The following ETF1 variants were observed in gnomAD, a reference collection of about 807,000 sequenced individuals.
The protein encoded by ETF1 is eukaryotic translation termination factor 1.
Under a neutral mutation model 55.1 loss-of-function variants are expected in ETF1, and 4 were observed. The observed-to-expected ratio is 0.07, with a 90% CI of 0.04 to 0.17. The LOEUF is 0.17. Among genes scored for constraint, ETF1 ranks in the 10% least tolerant of loss-of-function variants. ETF1 has a pLI of 1.00. For synonymous variants in ETF1, 157 were observed against 182.3 expected (o/e 0.86, Z 1.12); for missense variants, 142 against 523.6 (o/e 0.27, Z 7.11).
At chr5:138,541,629 C>T (rs945795164) in intron 2 of ETF1, 3 of 1,522,978 alleles carry the variant, frequency 2.0e-6, no homozygotes, top group Admixed American at 4.2e-5. Flanking sequence ...CCATAAATGA[C>T]AATCCTGGGC....
At chr5:138,511,703 A>G in intron 6 of ETF1, 99 bp from the exon 7 acceptor site, 1 of 1,438,340 alleles carries the variant, frequency 7.0e-7, no homozygotes, top group Non-Finnish European at 9.1e-7. Flanking sequence ...ATGGTATGCA[A>G]AGCTCAGCAT....
chr5:138,536,842 C>G (rs1765956515), intron 2 of ETF1, among the ~76,000 whole-genome samples: 1 of 152,112 alleles, frequency 6.6e-6, no homozygotes, highest in South Asian at 2.1e-4. Context: ...ATCTCAAGTT[C>G]AAAGAAAACG....
Position 138,508,319 on chromosome 5 carries a change from G to A in ETF1, c.1300C>T (p.Leu434Phe), listed in dbSNP as rs753167770. The A allele has an allele frequency of 1.9e-6, 3 of 1,613,852 alleles. No individual in the cohort carries two copies. Among genetic ancestry groups the A allele is most frequent in the Non-Finnish European group, 2.5e-6 (3 of 1,179,978 alleles). The change falls in exon 11 of 11, where the codon CTT becomes TTT. Residue 434 changes from leucine (L) to phenylalanine (F), a missense_variant. By Grantham distance (22) the Leu-to-Phe change is conservative. Around this residue, in one of 5 missense-constraint regions of ETF1, gnomAD observed 82 missense variants for 232.9 expected, o/e 0.35. Transcript: ENST00000360541. ...YQGGDDEFFD[L>F]DDY ...ATGTCGACTACCTAGTAGTCATCAA[G>A]GTCAAAAAATTCATCGTCTCCTCCT...
At position 138,541,377 on chromosome 5, in the gene ETF1, G is replaced by C. The variant is rs904736722; in HGVS notation, c.86+1456C>G. The C allele has an allele frequency of 4.6e-5, 28 of 607,882 alleles. No homozygotes were observed. The East Asian group carries it at 7.8e-4, about 17-fold the overall frequency. The allele number at this position is 607,882 out of a possible 1,614,324, so 37.7% of individuals were successfully genotyped here. ...TAAGGACTAACAAGCCGCTGTCTTC[G>C]ATTCATATTAAACTAACGTTTCTCC... On this transcript the variant is annotated intron_variant, in intron 2 of 10. Coordinates refer to ENST00000360541, the MANE Select transcript of ETF1 (RefSeq NM_004730.4).
At chr5:138,527,393 C>T (rs547503452) in intron 2 of ETF1, among the ~76,000 whole-genome samples, 1 of 152,316 alleles carries the variant, frequency 6.6e-6, no homozygotes, top group Non-Finnish European at 1.5e-5. Context: ...AGCATTCTGG[C>T]CAAACCACGG....
chr5:138,517,928 G>A (rs1198076976), intron 3 of ETF1: 1 of 981,440 alleles, frequency 1.0e-6, no homozygotes, highest in African/African-American at 1.8e-5. Context: ...GCTGGACGTG[G>A]TGGTGGCTCA....
At chr5:138,525,298 C>T (rs1379995462) in intron 2 of ETF1, among the ~76,000 whole-genome samples, 1 of 151,948 alleles carries the variant, frequency 6.6e-6, no homozygotes, top group Non-Finnish European at 1.5e-5. Flanking sequence ...GCTGGGAGTA[C>T]AGGCGTGCGC....
rs536966821 is a variant in ETF1 at position 138,518,909 on chromosome 5, G to T, written c.87-42C>A. On this transcript the variant is annotated intron_variant, in intron 2 of 10. Coordinates refer to ENST00000360541, the MANE Select transcript of ETF1 (RefSeq NM_004730.4). ...AACTCATTAGGGATTTAAATATCATGTAAGTAAACTCATGTTTCTCTCTGG... is the reference window on the plus strand; with the variant it reads ...AACTCATTAGGGATTTAAATATCATTTAAGTAAACTCATGTTTCTCTCTGG... 306 of 1,601,062 alleles carry T rather than the reference G, an allele frequency of 1.9e-4. 3 individuals carry two copies. In the Admixed American group the frequency reaches 5.1e-3, roughly 26 times the overall value.
rs1204518828 is a variant in ETF1, at chr5:138,510,836, GGTCCTC to G, written c.1018+203_1018+208del. 4 of 731,686 alleles carry G rather than the reference GGTCCTC, an allele frequency of 5.5e-6. 1 individual carries two copies. Among genetic ancestry groups the G allele is most frequent in the Admixed American group, 6.3e-5 (1 of 15,922 alleles). The allele number at this position is 731,686 out of a possible 1,614,324, so 45.3% of individuals were successfully genotyped here. On this transcript the variant is annotated intron_variant, in intron 8 of 10. Transcript: ENST00000360541. ...TCAGAGATGTTCAAGATATAGTCCT[GGTCCTC>G]AGCAGATGTAACAATCTTAAGCAGA...
chr5:138,536,508 G>C (rs1468095589), intron 2 of ETF1, among the ~76,000 whole-genome samples: 1 of 152,078 alleles, frequency 6.6e-6, no homozygotes, highest in Non-Finnish European at 1.5e-5. Flanking sequence ...ACCTGCCGGG[G>C]AAAAAAAGCC....
intron 4 of ETF1, 150 bp from the exon 5 acceptor site, chr5:138,513,856 CAG>C: frequency 9.3e-7 from 1 of 1,076,682 alleles, no homozygotes; most frequent in South Asian, 3.4e-5. Flanking sequence ...TTATAGACTT[CAG>C]TTATAAACAT....
At chr5:138,508,633 C>T (rs1249781608) in intron 10 of ETF1, 36 bp downstream of exon 10, 1 of 1,610,654 alleles carries the variant, frequency 6.2e-7, no homozygotes, top group South Asian at 1.1e-5. Flanking sequence ...ACCTGAGACC[C>T]TGGTTTTAAG....
chr5:138,531,681 T>C (rs1031104479), intron 2 of ETF1, among the ~76,000 whole-genome samples: 1 of 152,212 alleles, frequency 6.6e-6, no homozygotes, highest in Non-Finnish European at 1.5e-5. Context: ...GCCTAGGCTA[T>C]GGATGGCCAA....
At chr5:138,529,641 C>G (rs1765614034) in intron 2 of ETF1, 1 of 985,270 alleles carries the variant, frequency 1.0e-6, no homozygotes, top group South Asian at 4.7e-5. Context: ...TTTGGCTTAT[C>G]AAAGCTTTCA....
chr5:138,517,715 A>G lies in ETF1; in HGVS notation c.263-15T>C, dbSNP rs978570452. ...ATTTGGAGGTACTGCAAAGAACACA[A>G]ACAATTTTTCTACTTTACCCCATAT... is the stretch of plus-strand genomic sequence containing the variant. On this transcript the variant is annotated splice_polypyrimidine_tract_variant and intron_variant, in intron 3 of 10. Transcript: ENST00000360541. 41 of 1,439,290 alleles carry G rather than the reference A, an allele frequency of 2.8e-5. No homozygotes were observed. The highest frequency in any genetic ancestry group is 3.2e-5 in the Non-Finnish European group (35 of 1,077,610). The allele number at this position is 1,439,290 out of a possible 1,614,324, so 89.2% of individuals were successfully genotyped here. A position where few individuals can be genotyped will look rare whatever the true frequency, so the allele number is the denominator to read the frequency against.
At chr5:138,509,151 C>T in intron 9 of ETF1, 1 of 985,370 alleles carries the variant, frequency 1.0e-6, no homozygotes, top group Non-Finnish European at 1.2e-6. Context: ...TTCAATGGCT[C>T]AGAAGAGACA....
chr5:138,525,138 G>T (rs918671204), intron 2 of ETF1, among the ~76,000 whole-genome samples: 1 of 151,232 alleles, frequency 6.6e-6, no homozygotes. Flanking sequence ...ATCATGTTAA[G>T]AAAAACCAGC....
intron 2 of ETF1, among the ~76,000 whole-genome samples, chr5:138,535,149 C>A (rs1055574754): frequency 6.6e-6 from 1 of 151,848 alleles, no homozygotes; most frequent in Admixed American, 6.6e-5. Flanking sequence ...CAGGTTTTCA[C>A]CATGTTGGCC....
intron 4 of ETF1, among the ~76,000 whole-genome samples, chr5:138,515,038 AT>A (rs1385773498): frequency 6.6e-6 from 1 of 152,206 alleles, no homozygotes; most frequent in East Asian, 1.9e-4. Context: ...TTACCATTCC[AT>A]TTTAAGAAAA....
Sources: allele counts gnomAD v4.1 joint callset (sites outside exome capture counted in the v4.1 genomes callset), GRCh38; gene constraint gnomAD v4.1.1; regional missense constraint gnomAD v4.1.1; transcripts MANE v1.5; gene names NCBI Gene and HGNC (gene_info 2026-07-23, HGNC 2026-07-21).